MYO1E: variants seen among roughly 807,000 people sequenced by gnomAD.
MYO1E encodes myosin IE.
In MYO1E, 68 loss-of-function variants were observed where a neutral mutation model predicts 151.1. The observed-to-expected ratio is 0.45, with a 90% CI of 0.37 to 0.55. The LOEUF is 0.55. Among genes scored for constraint, MYO1E ranks in the 20% least tolerant of loss-of-function variants. The probability of loss-of-function intolerance (pLI) is 0.00; values close to 1 mark genes in which losing one functional copy is unlikely to be tolerated. For synonymous variants in MYO1E, 601 were observed against 501.7 expected, an observed-to-expected ratio of 1.20 and a Z score of -2.64; for missense variants, 1,363 against 1,389.3, an observed-to-expected ratio of 0.98 and a Z score of 0.30.
At chr15:59,276,017 A>G (rs1345710917) in intron 1 of MYO1E, among the ~76,000 whole-genome samples, 1 of 152,192 alleles carries the variant, frequency 6.6e-6, no homozygotes, top group Non-Finnish European at 1.5e-5. Flanking sequence ...CCTACGCTCT[A>G]GGGAGCAGAG....
At chr15:59,321,674 C>T (rs1188726829) in intron 1 of MYO1E, among the ~76,000 whole-genome samples, 2 of 152,070 alleles carry the variant, frequency 1.3e-5, no homozygotes, top group Non-Finnish European at 2.9e-5. Context: ...GACATGGGGA[C>T]TACTAGAGGC....
At chr15:59,282,169 T>C (rs1392983152) in intron 1 of MYO1E, among the ~76,000 whole-genome samples, 2 of 152,232 alleles carry the variant, frequency 1.3e-5, no homozygotes, top group African/African-American at 2.4e-5. Context: ...CATTTTACTC[T>C]GCTGTGGAAA....
intron 1 of MYO1E, among the ~76,000 whole-genome samples, chr15:59,288,479 G>A (rs955413533): frequency 2.0e-5 from 3 of 152,136 alleles, no homozygotes; most frequent in Admixed American, 1.3e-4. Flanking sequence ...ACCCAGCCCC[G>A]TTCAGTGCTT....
intron 2 of MYO1E, among the ~76,000 whole-genome samples, chr15:59,264,027 A>G (rs1161246699): frequency 6.6e-6 from 1 of 152,166 alleles, no homozygotes; most frequent in Non-Finnish European, 1.5e-5. Context: ...ATAACAACCT[A>G]TTTGACTTCA....
At chr15:59,190,337 G>A (rs1290838808) in intron 17 of MYO1E, among the ~76,000 whole-genome samples, 1 of 152,150 alleles carries the variant, frequency 6.6e-6, no homozygotes, top group African/African-American at 2.4e-5. Context: ...CGGGGCTAAT[G>A]CGCTCAGCAA....
chr15:59,319,141 T>C (rs188755210), intron 1 of MYO1E, among the ~76,000 whole-genome samples: 1 of 152,022 alleles, frequency 6.6e-6, no homozygotes, highest in East Asian at 1.9e-4. Context: ...TGAAACCCCA[T>C]CTTTACCAAA....
At chr15:59,371,162 T>C (rs2080942020) in intron 1 of MYO1E, among the ~76,000 whole-genome samples, 1 of 152,216 alleles carries the variant, frequency 6.6e-6, no homozygotes, top group Admixed American at 6.5e-5. Context: ...CTCGTTGATG[T>C]TTGTTTGTAA....
chr15:59,232,786 G>C (rs1410301627), intron 5 of MYO1E, among the ~76,000 whole-genome samples: 1 of 152,138 alleles, frequency 6.6e-6, no homozygotes, highest in Non-Finnish European at 1.5e-5. Context: ...AGGTCGTAGG[G>C]GTGTAGCAAA....
At chr15:59,141,254 C>A (rs1303583189) in intron 26 of MYO1E, among the ~76,000 whole-genome samples, 1 of 152,140 alleles carries the variant, frequency 6.6e-6, no homozygotes, top group Non-Finnish European at 1.5e-5. Context: ...CACACATGTG[C>A]ACGCACACAC....
intron 17 of MYO1E, among the ~76,000 whole-genome samples, chr15:59,192,259 T>C (rs754373391): frequency 6.6e-6 from 1 of 150,862 alleles, no homozygotes; most frequent in Non-Finnish European, 1.5e-5. Flanking sequence ...TTTGAATGCA[T>C]GTCATAAAAT....
intron 1 of MYO1E, among the ~76,000 whole-genome samples, chr15:59,360,385 G>T (rs1463511517): frequency 2.6e-5 from 4 of 152,128 alleles, no homozygotes; most frequent in Non-Finnish European, 4.4e-5. Context: ...TTGTCTGTGT[G>T]TGGAATGTCT....
chr15:59,359,293 ATG>A (rs1299039207), intron 1 of MYO1E, among the ~76,000 whole-genome samples: 2 of 133,236 alleles, frequency 1.5e-5, no homozygotes, highest in African/African-American at 5.4e-5. Context: ...ATATATATAT[ATG>A]TATGTGTATA....
At chr15:59,193,366 A>G (rs1356322466) in intron 17 of MYO1E, among the ~76,000 whole-genome samples, 3 of 152,220 alleles carry the variant, frequency 2.0e-5, no homozygotes, top group Admixed American at 2.0e-4. Flanking sequence ...CAGTGGCTCA[A>G]TCATGGCTCT....
At chr15:59,219,033 G>C (rs1322426820) in intron 9 of MYO1E, among the ~76,000 whole-genome samples, 1 of 152,188 alleles carries the variant, frequency 6.6e-6, no homozygotes. Flanking sequence ...CTAATAAAGA[G>C]GGGCATTATA....
chr15:59,331,545 A>G (rs1489472897), intron 1 of MYO1E, among the ~76,000 whole-genome samples: 1 of 152,222 alleles, frequency 6.6e-6, no homozygotes, highest in African/African-American at 2.4e-5. Context: ...TCTCCTAGAG[A>G]TCGCAATCAA....
intron 1 of MYO1E, among the ~76,000 whole-genome samples, chr15:59,300,392 C>T (rs8025285): frequency 6.6e-6 from 1 of 151,968 alleles, no homozygotes; most frequent in South Asian, 2.1e-4. Context: ...GCACACACAC[C>T]CCCATTCCCA....
At chr15:59,197,602 A>C (rs1192807446) in intron 16 of MYO1E, among the ~76,000 whole-genome samples, 2 of 152,226 alleles carry the variant, frequency 1.3e-5, no homozygotes, top group Non-Finnish European at 2.9e-5. Flanking sequence ...AGTATTGCTC[A>C]AGATGACACA....
chr15:59,323,051 C>G lies in MYO1E; in HGVS notation c.3+49447G>C, dbSNP rs185391048. On this transcript the variant is annotated intron_variant, in intron 1 of 27. Transcript: ENST00000288235. ...TGGTATGGTGGTGGGCACCTGTAGTCCCAGCTACTCAGGAGGCTGAGGCAG... is the reference window on the plus strand; with the variant it reads ...TGGTATGGTGGTGGGCACCTGTAGTGCCAGCTACTCAGGAGGCTGAGGCAG... 6.2e-3 allele frequency among the ~76,000 whole-genome samples: 937 copies of G among 150,862 alleles called. 5 individuals are homozygous for G. Among genetic ancestry groups the G allele is most frequent in the Middle Eastern group, 0.021 (6 of 290 alleles).
intron 7 of MYO1E, among the ~76,000 whole-genome samples, chr15:59,226,565 G>C (rs1397288887): frequency 3.3e-5 from 5 of 152,234 alleles, no homozygotes; most frequent in African/African-American, 1.2e-4. Context: ...CTAGCACTTT[G>C]GGAGGCTGAG....
Sources: allele counts gnomAD v4.1 joint callset (sites outside exome capture counted in the v4.1 genomes callset), GRCh38; gene constraint gnomAD v4.1.1; transcripts MANE v1.5; gene names NCBI Gene and HGNC (gene_info 2026-07-23, HGNC 2026-07-21).